The following ASAP1 variants were observed in gnomAD, a reference collection of about 807,000 sequenced individuals.
ASAP1 encodes the protein arf-GAP with SH3 domain, ANK repeat and PH domain-containing protein 1.
ASAP1 carries 43 observed loss-of-function variants against 145.2 expected under a neutral mutation model. The ratio of observed to expected loss-of-function variants is 0.30; its 90% CI spans 0.23 to 0.38. The LOEUF is 0.38. Among genes scored for constraint, ASAP1 ranks in the 10% least tolerant of loss-of-function variants. The pLI, the probability that ASAP1 is intolerant of heterozygous loss-of-function variation, is 1.00. For synonymous variants in ASAP1, 546 were observed against 515.5 expected, an observed-to-expected ratio of 1.06 and a Z score of -0.80; for missense variants, 1,018 against 1,355.3, an observed-to-expected ratio of 0.75 and a Z score of 3.91.
At chr8:130,140,869 G>A (rs1034609191) in intron 13 of ASAP1, among the ~76,000 whole-genome samples, 2 of 152,198 alleles carry the variant, frequency 1.3e-5, no homozygotes, top group South Asian at 2.1e-4. Context: ...CTGAGCCCAC[G>A]AATACCAGAG....
intron 18 of ASAP1, among the ~76,000 whole-genome samples, chr8:130,122,559 T>G (rs1372548120): frequency 2.0e-5 from 3 of 152,194 alleles, no homozygotes; most frequent in Non-Finnish European, 4.4e-5. Context: ...TCAAGCCCCT[T>G]AATTGTCACC....
chr8:130,284,887 GAGAGAGAGAGAGAA>G (rs1410111814), intron 3 of ASAP1, among the ~76,000 whole-genome samples: 8 of 96,400 alleles, frequency 8.3e-5, no homozygotes, highest in East Asian at 5.7e-4. Context: ...ACACCATACT[GAGAGAGAGAGAGAA>G]AGAGAGAGAG....
chr8:130,409,905 T>C (rs181704441), intron 1 of ASAP1, among the ~76,000 whole-genome samples: 80 of 152,096 alleles, frequency 5.3e-4, no homozygotes, highest in African/African-American at 1.8e-3. Flanking sequence ...GGAGGGTGAG[T>C]TGAGTAACAC....
rs1449177436 is a variant in ASAP1, at chr8:130,179,354, G to A, written c.661-5C>T. 6.3e-7 allele frequency: 1 copy of A among 1,580,432 alleles called. No individual in the cohort carries two copies. Among genetic ancestry groups the A allele is most frequent in the Admixed American group, 1.7e-5 (1 of 59,856 alleles). On this transcript the variant is annotated splice_polypyrimidine_tract_variant and splice_region_variant and intron_variant, in intron 8 of 29. Coordinates refer to ENST00000518721, the MANE Select transcript of ASAP1 (RefSeq NM_018482.4). ...TTCATTAACTTTAATGAGATACTGT[G>A]AAAATAAAACAGGGTTTTGCGTTGA...
At chr8:130,259,480 CTTTGAAG>C (rs1179472132) in intron 3 of ASAP1, among the ~76,000 whole-genome samples, 2 of 152,170 alleles carry the variant, frequency 1.3e-5, no homozygotes, top group Non-Finnish European at 2.9e-5. Context: ...CTCCTGCTGA[CTTTGAAG>C]TTTGTAGATG....
At chr8:130,359,345 A>T (rs932905589) in intron 2 of ASAP1, among the ~76,000 whole-genome samples, 2 of 152,176 alleles carry the variant, frequency 1.3e-5, no homozygotes, top group Admixed American at 1.3e-4. Flanking sequence ...CTCGGCCTTG[A>T]CAGATGGCTA....
intron 3 of ASAP1, among the ~76,000 whole-genome samples, chr8:130,244,821 C>A (rs1818748856): frequency 2.0e-5 from 3 of 152,118 alleles, no homozygotes; most frequent in African/African-American, 4.8e-5. Context: ...CCCCTGCAAT[C>A]CTGGAGGAGA....
chr8:130,168,327 AAAAAC>A (rs965184397), intron 10 of ASAP1, among the ~76,000 whole-genome samples: 27 of 152,288 alleles, frequency 1.8e-4, no homozygotes, highest in Admixed American at 1.6e-3. Flanking sequence ...AAAACATGCA[AAAAAC>A]AAAACAAAAC....
chr8:130,252,612 C>T (rs1471882345), intron 3 of ASAP1, among the ~76,000 whole-genome samples: 1 of 152,136 alleles, frequency 6.6e-6, no homozygotes, highest in African/African-American at 2.4e-5. Flanking sequence ...TCAAGAGCTC[C>T]TGTCTGGGGC....
rs550882380 is a variant in ASAP1, at chr8:130,077,097, C to G, written c.2643-691G>C. Among the ~76,000 whole-genome samples the G allele has an allele frequency of 2.0e-4, 31 of 152,300 alleles. 1 individual carries two copies. The South Asian group carries it at 5.6e-3, about 27-fold the overall frequency. ...TGTTGGCGGCTGGCAGAAGGTCTCA[C>G]GTGGGTCAGAGGTAGAAGTGGAAAT... On this transcript the variant is annotated intron_variant, in intron 26 of 29. Coordinates refer to ENST00000518721, the MANE Select transcript of ASAP1 (RefSeq NM_018482.4).
intron 17 of ASAP1, among the ~76,000 whole-genome samples, chr8:130,125,049 G>T (rs1445604161): frequency 6.6e-6 from 1 of 152,180 alleles, no homozygotes; most frequent in Admixed American, 6.5e-5. Flanking sequence ...AGGGCTGCTG[G>T]CTGGGTCACT....
chr8:130,082,180 T>C (rs2097482055), intron 25 of ASAP1, among the ~76,000 whole-genome samples: 1 of 152,148 alleles, frequency 6.6e-6, no homozygotes, highest in African/African-American at 2.4e-5. Context: ...CAAGAAGAAA[T>C]GAGATAAACT....
At chr8:130,361,944 T>C (rs1273771735) in intron 2 of ASAP1, among the ~76,000 whole-genome samples, 1 of 152,116 alleles carries the variant, frequency 6.6e-6, no homozygotes, top group African/African-American at 2.4e-5. Context: ...GTCGCCATTA[T>C]AATAAGACTG....
At chr8:130,195,343 C>T (rs1815408785) in intron 5 of ASAP1, 1 of 140,490 alleles carries the variant, frequency 7.1e-6, no homozygotes, top group African/African-American at 2.6e-5. Flanking sequence ...TCAAGAACAG[C>T]CTGGGAAGTA....
intron 27 of ASAP1, chr8:130,069,780 G>C (rs536494712): frequency 6.6e-6 from 1 of 152,322 alleles, no homozygotes; most frequent in Admixed American, 6.5e-5. Flanking sequence ...AAAGTTGCAA[G>C]GTAGAGATTA....
chr8:130,356,907 CCCCAAACCTCA>C (rs1222710458), intron 3 of ASAP1, among the ~76,000 whole-genome samples: 3 of 152,188 alleles, frequency 2.0e-5, no homozygotes, highest in Non-Finnish European at 1.5e-5. Flanking sequence ...AGAAAGAGCT[CCCCAAACCTCA>C]CCTAAACCAG....
At chr8:130,105,288 C>T (rs1459182478) in intron 24 of ASAP1, among the ~76,000 whole-genome samples, 3 of 152,146 alleles carry the variant, frequency 2.0e-5, no homozygotes, top group Non-Finnish European at 2.9e-5. Context: ...GTAGGTATAA[C>T]AAGTAATCTA....
intron 5 of ASAP1, among the ~76,000 whole-genome samples, chr8:130,209,020 T>C (rs1393039841): frequency 1.3e-5 from 2 of 152,168 alleles, no homozygotes; most frequent in East Asian, 1.9e-4. Flanking sequence ...GAAAGAGAAA[T>C]TGCAATTCCC....
chr8:130,169,580 A>G (rs1052579174), intron 9 of ASAP1, among the ~76,000 whole-genome samples: 3 of 152,254 alleles, frequency 2.0e-5, no homozygotes, highest in African/African-American at 7.2e-5. Flanking sequence ...TTGAAACACA[A>G]GAATTCAAAG....
Sources: gnomAD v4.1 joint callset for allele counts (sites outside exome capture counted in the v4.1 genomes callset) on GRCh38, gnomAD v4.1.1 for gene constraint, MANE v1.5 for transcripts, NCBI Gene and HGNC (gene_info 2026-07-23, HGNC 2026-07-21) for gene names.